The following RARB variants were observed in gnomAD, a reference collection of about 807,000 sequenced individuals.
RARB encodes the protein HBV-activated protein.
Under a neutral mutation model 51.9 loss-of-function variants are expected in RARB, and 17 were observed. That is an observed-to-expected ratio of 0.33 (90% CI 0.22 to 0.49). The LOEUF is 0.49. Ranked by LOEUF, RARB falls within the 20% of genes least tolerant of loss-of-function variation. The probability of loss-of-function intolerance (pLI) is 0.99; values close to 1 mark genes in which losing one functional copy is unlikely to be tolerated. For synonymous variants in RARB, 215 were observed against 195.4 expected (o/e 1.10, Z -0.84); for missense variants, 369 against 550.8 (o/e 0.67, Z 3.30).
chr3:25,203,305 A>T (rs1428944417), intron 5 of RARB, among the ~76,000 whole-genome samples: 1 of 151,742 alleles, frequency 6.6e-6, no homozygotes, highest in African/African-American at 2.4e-5. Context: ...TCCATCCCTT[A>T]ATTTTGAGGC....
chr3:24,925,949 T>C (rs1010160999), intron 2 of RARB, among the ~76,000 whole-genome samples: 1 of 152,114 alleles, frequency 6.6e-6, no homozygotes, highest in Non-Finnish European at 1.5e-5. Context: ...TCCTTTGAAG[T>C]TGATGTCTGC....
intron 2 of RARB, among the ~76,000 whole-genome samples, chr3:25,015,900 T>C (rs1309397317): frequency 6.6e-6 from 1 of 152,202 alleles, no homozygotes; most frequent in Non-Finnish European, 1.5e-5. Context: ...CATATCATGT[T>C]GACCCCTCCT....
chr3:25,402,981 A>T (rs1278615853), intron 5 of RARB, among the ~76,000 whole-genome samples: 1 of 151,900 alleles, frequency 6.6e-6, no homozygotes, highest in Non-Finnish European at 1.5e-5. Context: ...TGGCCAACAT[A>T]GTGAAACCCC....
chr3:25,025,261 G>T (rs544052324), intron 2 of RARB: 4 of 152,274 alleles, frequency 2.6e-5, no homozygotes, highest in African/African-American at 9.6e-5. Context: ...TGTCATTCAG[G>T]TGATAGCAAA....
At chr3:25,500,266 G>A (rs1341686357) in intron 2 of RARB, among the ~76,000 whole-genome samples, 1 of 151,932 alleles carries the variant, frequency 6.6e-6, no homozygotes, top group Admixed American at 6.6e-5. Flanking sequence ...CATGTTGGAC[G>A]ACATAGCTCT....
intron 5 of RARB, among the ~76,000 whole-genome samples, chr3:25,329,098 C>A (rs190770566): frequency 1.2e-4 from 18 of 152,322 alleles, no homozygotes; most frequent in African/African-American, 4.1e-4. Flanking sequence ...CCTCTCAGGG[C>A]AGGGCATAGA....
At chr3:25,025,988 C>A (rs1435815360) in intron 2 of RARB, among the ~76,000 whole-genome samples, 4 of 152,064 alleles carry the variant, frequency 2.6e-5, no homozygotes, top group Non-Finnish European at 5.9e-5. Context: ...TCTGCAATCC[C>A]AAATTAATGA....
At chr3:25,343,837 G>GT (rs1469929984) in intron 5 of RARB, among the ~76,000 whole-genome samples, 2 of 152,148 alleles carry the variant, frequency 1.3e-5, no homozygotes, top group African/African-American at 2.4e-5. Context: ...GTTTTCGATC[G>GT]TAAGTCTTGT....
At chr3:24,976,327 T>G (rs950653680) in intron 2 of RARB, among the ~76,000 whole-genome samples, 11 of 152,182 alleles carry the variant, frequency 7.2e-5, no homozygotes, top group African/African-American at 2.7e-4. Flanking sequence ...TAGTTCTAGA[T>G]CCTTGAGGAA....
In RARB at chr3:25,207,327, A is replaced by G. The variant is rs117178534; in HGVS notation, c.178+32752A>G. ...AGATCACGTATCTTCTTATTCACTT[A>G]ACGTTCAATGACATTATCTTAACAA... On this transcript the variant is annotated intron_variant, in intron 5 of 11. Coordinates refer to the RARB transcript ENST00000383772. 1.8e-4 allele frequency among the ~76,000 whole-genome samples: 27 copies of G among 152,296 alleles called. 1 individual carries two copies. In the East Asian group the frequency reaches 5.0e-3, roughly 28 times the overall value.
At chr3:24,872,989 G>A (rs1406139477) in intron 2 of RARB, among the ~76,000 whole-genome samples, 1 of 152,186 alleles carries the variant, frequency 6.6e-6, no homozygotes, top group African/African-American at 2.4e-5. Flanking sequence ...AGAATTTTCA[G>A]CTTTGTGGAC....
At chr3:25,113,551 T>C (rs1699637867) in intron 3 of RARB, among the ~76,000 whole-genome samples, 1 of 152,220 alleles carries the variant, frequency 6.6e-6, no homozygotes, top group African/African-American at 2.4e-5. Flanking sequence ...TCCTTTTCTG[T>C]ACAGCTTCCT....
chr3:25,556,293 A>G (rs1317796300), intron 3 of RARB, among the ~76,000 whole-genome samples: 2 of 152,308 alleles, frequency 1.3e-5, no homozygotes, highest in South Asian at 2.1e-4. Flanking sequence ...ACTCAGGGGA[A>G]GGCTAAGTTG....
chr3:25,142,866 AG>A (rs1378242996), intron 4 of RARB, among the ~76,000 whole-genome samples: 3 of 152,230 alleles, frequency 2.0e-5, no homozygotes, highest in Admixed American at 6.5e-5. Flanking sequence ...TGCCGTCTTC[AG>A]TAAACAAAAG....
At chr3:25,500,446 CTTTTCTTG>C (rs1697240711) in intron 2 of RARB, among the ~76,000 whole-genome samples, 1 of 59,686 alleles carries the variant, frequency 1.7e-5, no homozygotes, top group Admixed American at 1.8e-4. Flanking sequence ...CTTTTTCTTT[CTTTTCTTG>C]TTTTTTTTTT....
intron 4 of RARB, among the ~76,000 whole-genome samples, chr3:25,145,662 T>C (rs578109592): frequency 6.6e-6 from 1 of 152,250 alleles, no homozygotes; most frequent in Admixed American, 6.5e-5. Context: ...TCCTCCTGAC[T>C]TATTACTAGC....
chr3:24,943,686 G>T (rs2125401492), intron 2 of RARB, among the ~76,000 whole-genome samples: 1 of 152,278 alleles, frequency 6.6e-6, no homozygotes, highest in East Asian at 1.9e-4. Context: ...ATGGAATATT[G>T]TGTCAGAATA....
intron 2 of RARB, among the ~76,000 whole-genome samples, chr3:24,862,209 C>A (rs1032839485): frequency 2.0e-5 from 3 of 152,186 alleles, no homozygotes; most frequent in African/African-American, 7.2e-5. Context: ...GGTTTGGTTT[C>A]TCACTCTTGT....
In RARB at chr3:24,851,179, A is replaced by G. The variant is rs112348692; in HGVS notation, c.-458-7495A>G. ...GCCTGGTTTGGTGGCTCATGCCTGT[A>G]ATCCCAGCACTTTGAGAGGGGGAGA... On this transcript the variant is annotated intron_variant, in intron 1 of 11. Coordinates refer to the RARB transcript ENST00000383772. Among the ~76,000 whole-genome samples the G allele has an allele frequency of 2.8e-3, 428 of 152,238 alleles. 2 individuals are homozygous for G. The highest frequency in any genetic ancestry group is 5.1e-3 in the Non-Finnish European group (345 of 67,996).
Sources: gnomAD v4.1 joint callset for allele counts (sites outside exome capture counted in the v4.1 genomes callset) on GRCh38, gnomAD v4.1.1 for gene constraint, MANE v1.5 for transcripts, NCBI Gene and HGNC (gene_info 2026-07-23, HGNC 2026-07-21) for gene names.